The following FAAH2 variants were observed in gnomAD, a reference collection of about 807,000 sequenced individuals.
FAAH2 encodes fatty acid amide hydrolase 2.
In FAAH2, 60 loss-of-function variants were observed where a neutral mutation model predicts 36.9. That is an observed-to-expected ratio of 1.63 (90% CI 1.32 to 2.02). FAAH2 has a LOEUF of 2.02. Ranked by LOEUF, FAAH2 falls within the 30% of genes most tolerant of loss-of-function variation. FAAH2 has a pLI of 0.00. For synonymous variants in FAAH2, 214 were observed against 143.8 expected (o/e 1.49, Z -3.49); for missense variants, 689 against 397.5 (o/e 1.73, Z -6.23).
the FAAH2 span, among the ~76,000 whole-genome samples, chrX:57,189,095 T>C: frequency 1.8e-5 from 2 of 110,839 alleles, no homozygotes; most frequent in Non-Finnish European, 3.8e-5. Context: ...TTTTAACTCT[T>C]TTTTCTCTAA....
At chrX:57,334,747 A>G (rs1337441500) in intron 4 of FAAH2, among the ~76,000 whole-genome samples, 1 of 111,688 alleles carries the variant, frequency 9.0e-6, no homozygotes, top group African/African-American at 3.3e-5. Flanking sequence ...GTGGCAGAGT[A>G]TCATTTGAAG....
At chrX:57,394,057 C>G (rs2055232451) in intron 7 of FAAH2, 1 of 728,824 alleles carries the variant, frequency 1.4e-6, no homozygotes, top group African/African-American at 2.1e-5. Context: ...CATGAAATAT[C>G]TGAGCATCAA....
intron 4 of FAAH2, among the ~76,000 whole-genome samples, chrX:57,338,003 C>A (rs1275276679): frequency 8.9e-6 from 1 of 111,844 alleles, no homozygotes; most frequent in African/African-American, 3.2e-5. Flanking sequence ...ATCTAGAAAA[C>A]CCCATCATCT....
At chrX:57,407,402 G>A (rs2055592900) in intron 7 of FAAH2, among the ~76,000 whole-genome samples, 1 of 111,842 alleles carries the variant, frequency 8.9e-6, no homozygotes, top group Non-Finnish European at 1.9e-5. Context: ...TGTTACTCAG[G>A]CTCATGAGGG....
intron 10 of FAAH2, among the ~76,000 whole-genome samples, chrX:57,452,589 G>A (rs182915029): frequency 3.6e-5 from 4 of 112,343 alleles, no homozygotes; most frequent in African/African-American, 6.5e-5. Flanking sequence ...TATGTAATCC[G>A]CATTGACTAG....
At chrX:57,409,839 T>A (rs933745148) in intron 7 of FAAH2, among the ~76,000 whole-genome samples, 1 of 111,032 alleles carries the variant, frequency 9.0e-6, no homozygotes, top group Non-Finnish European at 1.9e-5. Flanking sequence ...GTTCTTCAGT[T>A]TTTTAAAAAA....
At chrX:57,204,279 C>T in the FAAH2 span, among the ~76,000 whole-genome samples, 7 of 111,063 alleles carry the variant, frequency 6.3e-5, no homozygotes, top group East Asian at 2.8e-4. Flanking sequence ...TGGCAAATAC[C>T]GAGATCAGAA....
intron 1 of FAAH2, chrX:57,290,186 C>A: frequency 1.5e-6 from 1 of 651,114 alleles, no homozygotes; most frequent in Non-Finnish European, 1.8e-6. Flanking sequence ...TAACTTCTAC[C>A]TCTAACCCCT....
intron 10 of FAAH2, among the ~76,000 whole-genome samples, chrX:57,472,787 C>A (rs1447032032): frequency 2.7e-5 from 3 of 110,853 alleles, no homozygotes; most frequent in African/African-American, 9.8e-5. Context: ...TCAATTTTCT[C>A]TAGATTTTCT....
chrX:57,135,644 A>T, the FAAH2 span: 21 of 1,011,089 alleles, frequency 2.1e-5, no homozygotes, highest in Non-Finnish European at 2.7e-5. Flanking sequence ...GCTTACAGAC[A>T]GCATGTCATG....
the FAAH2 span, among the ~76,000 whole-genome samples, chrX:57,148,862 T>G: frequency 9.0e-6 from 1 of 111,456 alleles, no homozygotes; most frequent in African/African-American, 3.3e-5. Flanking sequence ...ATGCTTCCAG[T>G]TTTTGCCCAT....
At chrX:57,256,411 G>C in the FAAH2 span, among the ~76,000 whole-genome samples, 1 of 111,615 alleles carries the variant, frequency 9.0e-6, no homozygotes, top group Non-Finnish European at 1.9e-5. Flanking sequence ...CACAGAATTT[G>C]ATAAATCTCC....
chrX:57,177,342 T>A, the FAAH2 span, among the ~76,000 whole-genome samples: 2 of 107,525 alleles, frequency 1.9e-5, no homozygotes, highest in Non-Finnish European at 3.8e-5. Flanking sequence ...GGAATGCTGA[T>A]GTTCCAAGTA....
Position 57,487,770 on chromosome X carries a change from TTATATG to T in FAAH2, c.1424-981_1424-976del, listed in dbSNP as rs1340199112. On this transcript the variant is annotated intron_variant, in intron 10 of 10. Coordinates refer to ENST00000374900, the MANE Select transcript of FAAH2 (RefSeq NM_174912.4). ...TAAGACTCAACTATTTCATTCATCT[TTATATG>T]TATATATATGCTCAAGAAATGAAAA... Among the ~76,000 whole-genome samples the T allele has an allele frequency of 5.4e-5, 6 of 112,091 alleles. No homozygotes were observed. In the East Asian group the frequency reaches 1.7e-3, roughly 31 times the overall value.
the FAAH2 span, among the ~76,000 whole-genome samples, chrX:57,269,909 AC>A: frequency 1.8e-5 from 2 of 111,399 alleles, no homozygotes; most frequent in East Asian, 2.8e-4. Flanking sequence ...GCACAAAAAA[AC>A]ATTCAAAAGG....
the FAAH2 span, among the ~76,000 whole-genome samples, chrX:57,221,315 C>A: frequency 9.0e-6 from 1 of 111,525 alleles, no homozygotes; most frequent in South Asian, 3.8e-4. Flanking sequence ...CTCCAACCAC[C>A]CACCTTAAAA....
At chrX:57,414,899 T>C (rs1428945076) in intron 7 of FAAH2, among the ~76,000 whole-genome samples, 1 of 103,780 alleles carries the variant, frequency 9.6e-6, no homozygotes, top group East Asian at 3.1e-4. Flanking sequence ...ACTGCCTCAA[T>C]TTCAGCAATT....
At chrX:57,318,779 C>T (rs1368800283) in intron 3 of FAAH2, among the ~76,000 whole-genome samples, 1 of 111,867 alleles carries the variant, frequency 8.9e-6, no homozygotes, top group Non-Finnish European at 1.9e-5. Flanking sequence ...TCAATAAATA[C>T]TGGCAAACTG....
chrX:57,288,503 C>G (rs1213303452), intron 1 of FAAH2, among the ~76,000 whole-genome samples: 1 of 108,172 alleles, frequency 9.2e-6, no homozygotes, highest in Non-Finnish European at 1.9e-5. Context: ...GCGCCCGCCA[C>G]CATGCCCGGC....
Sources: allele counts gnomAD v4.1 joint callset (sites outside exome capture counted in the v4.1 genomes callset), GRCh38; gene constraint gnomAD v4.1.1; transcripts MANE v1.5; gene names NCBI Gene and HGNC (gene_info 2026-07-23, HGNC 2026-07-21).